The following SYT16 variants were observed in gnomAD, a reference collection of about 807,000 sequenced individuals.
SYT16 encodes synaptotagmin 16.
SYT16 carries 42 observed loss-of-function variants against 61.4 expected under a neutral mutation model. The ratio of observed to expected loss-of-function variants is 0.68; its 90% CI spans 0.53 to 0.89. The LOEUF is 0.89. Ranked by LOEUF, SYT16 falls within the 40% of genes least tolerant of loss-of-function variation. The pLI is 0.00. For missense variants in SYT16, 804 were observed against 807.3 expected, an observed-to-expected ratio of 1.00 and a Z score of 0.05; for synonymous variants, 314 against 302.3, an observed-to-expected ratio of 1.04 and a Z score of -0.40.
intron 3 of SYT16, among the ~76,000 whole-genome samples, chr14:62,058,202 C>T (rs2055651677): frequency 6.6e-6 from 1 of 152,054 alleles, no homozygotes; most frequent in Non-Finnish European, 1.5e-5. Context: ...GGTTTGCTTC[C>T]AGATTTTGAC....
chr14:61,969,752 C>T (rs535723264), intron 1 of SYT16, among the ~76,000 whole-genome samples: 2 of 152,238 alleles, frequency 1.3e-5, no homozygotes, highest in African/African-American at 4.8e-5. Flanking sequence ...TGGAGACTTG[C>T]TTTTATAACA....
At chr14:62,007,487 G>T (rs1348167255) in intron 3 of SYT16, among the ~76,000 whole-genome samples, 1 of 152,108 alleles carries the variant, frequency 6.6e-6, no homozygotes, top group East Asian at 1.9e-4. Flanking sequence ...GCATGTTTTA[G>T]CAAGGGTAGA....
intron 1 of SYT16, among the ~76,000 whole-genome samples, chr14:61,861,210 G>A (rs907886017): frequency 3.3e-5 from 5 of 152,154 alleles, no homozygotes; most frequent in African/African-American, 1.2e-4. Context: ...AGCCATTAGA[G>A]CTCATGTTGT....
chr14:62,004,137 T>G lies in SYT16; in HGVS notation c.523+7595T>G, dbSNP rs561890781. On this transcript the variant is annotated intron_variant, in intron 3 of 7. Coordinates refer to ENST00000683842, the MANE Select transcript of SYT16 (RefSeq NM_001367656.1). The stretch of plus-strand genomic sequence containing the variant: ...GGGTAATTTATAAAGAAAAAAGCTT[T>G]AATTGATTCATAGTTCTGCATGGCT... 2.6e-5 allele frequency among the ~76,000 whole-genome samples: 4 copies of G among 152,328 alleles called. No homozygotes were observed. The East Asian group carries it at 7.7e-4, about 29-fold the overall frequency.
chr14:61,997,349 C>A (rs2052810283), intron 3 of SYT16, among the ~76,000 whole-genome samples: 1 of 151,952 alleles, frequency 6.6e-6, no homozygotes, highest in African/African-American at 2.4e-5. Context: ...ATAAGTCACA[C>A]AGATTGGTGA....
intron 1 of SYT16, among the ~76,000 whole-genome samples, chr14:61,880,715 G>A (rs1186731849): frequency 6.6e-6 from 1 of 151,646 alleles, no homozygotes; most frequent in Non-Finnish European, 1.5e-5. Context: ...TATGGTTTTT[G>A]TTTCTATTGT....
chr14:62,023,089 C>T (rs1004506077), intron 3 of SYT16, among the ~76,000 whole-genome samples: 2 of 151,966 alleles, frequency 1.3e-5, no homozygotes, highest in Non-Finnish European at 2.9e-5. Flanking sequence ...TCAGTAAGCC[C>T]AGTAATTTGT....
At chr14:62,022,713 G>A (rs982684304) in intron 3 of SYT16, among the ~76,000 whole-genome samples, 2 of 151,906 alleles carry the variant, frequency 1.3e-5, no homozygotes, top group Admixed American at 6.6e-5. Flanking sequence ...TTCAGTGTAG[G>A]CATTTTCAGT....
At chr14:61,853,218 CTTG>C (rs2046669667) in intron 1 of SYT16, among the ~76,000 whole-genome samples, 1 of 152,224 alleles carries the variant, frequency 6.6e-6, no homozygotes, top group African/African-American at 2.4e-5. Context: ...TGCACCTGGC[CTTG>C]TTGTTCTTTA....
chr14:61,963,187 G>A (rs2353244), intron 1 of SYT16, among the ~76,000 whole-genome samples: 20,323 of 152,064 alleles, frequency 0.13, 2,417 homozygotes, highest in African/African-American at 0.32. Flanking sequence ...AATGGCCTCT[G>A]AGTATTTAAG....
chr14:61,814,416 G>A (rs1207807411), intron 1 of SYT16, among the ~76,000 whole-genome samples: 2 of 152,198 alleles, frequency 1.3e-5, no homozygotes, highest in Non-Finnish European at 2.9e-5. Context: ...GTATCTACCA[G>A]CAACTGTGCA....
In SYT16 at chr14:62,018,298, C is replaced by CTTTTTTTTTTTT. The variant is rs776473522; in HGVS notation, c.523+21773_523+21784dup. ...GGGTCTTTCTCTTCTTCTTCTTCTT[C>CTTTTTTTTTTTT]TTTTTTTTTTTTTTTTTTTTTTTTT... is the stretch of plus-strand genomic sequence containing the variant. On this transcript the variant is annotated intron_variant, in intron 3 of 7. Transcript: ENST00000683842. 1.4e-3 allele frequency among the ~76,000 whole-genome samples: 73 copies of CTTTTTTTTTTTT among 51,640 alleles called. 8 individuals are homozygous for CTTTTTTTTTTTT. Among genetic ancestry groups the CTTTTTTTTTTTT allele is most frequent in the Non-Finnish European group, 1.8e-3 (54 of 30,190 alleles). The allele number at this position is 51,640 out of a possible 152,430, so 33.9% of individuals were successfully genotyped here.
intron 3 of SYT16, among the ~76,000 whole-genome samples, chr14:62,011,761 A>G (rs1374938379): frequency 6.6e-6 from 1 of 151,728 alleles, no homozygotes; most frequent in African/African-American, 2.4e-5. Context: ...TTTCAAGGAA[A>G]AGCCTAGATT....
rs1385277128 is a variant in SYT16, at chr14:61,817,013, ACACAC to A, written c.-325+4204_-325+4208del. The stretch of plus-strand genomic sequence containing the variant: ...GCGACAGAGTGAGGCTCCGTCACAC[ACACAC>A]ACACACACACAAAAAAAGCATTTTC... On this transcript the variant is annotated intron_variant, in intron 1 of 7. Transcript: ENST00000683842. 2.7e-4 allele frequency among the ~76,000 whole-genome samples: 39 copies of A among 144,920 alleles called. 1 individual carries two copies. The highest frequency in any genetic ancestry group is 3.5e-3 in the Middle Eastern group (1 of 286).
chr14:61,872,593 C>T (rs766130974), intron 1 of SYT16, among the ~76,000 whole-genome samples: 29 of 152,116 alleles, frequency 1.9e-4, no homozygotes, highest in Non-Finnish European at 3.4e-4. Context: ...TTTTCCTGCC[C>T]CTTCCTGTTT....
chr14:61,995,562 C>T (rs2052730271), intron 2 of SYT16, among the ~76,000 whole-genome samples: 1 of 151,994 alleles, frequency 6.6e-6, no homozygotes, highest in South Asian at 2.1e-4. Flanking sequence ...ATGTCATGCC[C>T]AATTGGATCT....
chr14:61,818,143 T>A (rs1204687388), intron 1 of SYT16, among the ~76,000 whole-genome samples: 1 of 152,196 alleles, frequency 6.6e-6, no homozygotes, highest in East Asian at 1.9e-4. Flanking sequence ...TAGGGAAAAT[T>A]TCATATACAC....
chr14:62,019,390 T>G (rs1374970332), intron 3 of SYT16, among the ~76,000 whole-genome samples: 1 of 152,112 alleles, frequency 6.6e-6, no homozygotes, highest in African/African-American at 2.4e-5. Context: ...AGACCCTGGT[T>G]TTTGGAGCCA....
Position 61,875,650 on chromosome 14 carries a change from C to T in SYT16, c.-325+62840C>T, listed in dbSNP as rs2047463050. Among the ~76,000 whole-genome samples, 3 of 152,168 alleles carry T rather than the reference C, an allele frequency of 2.0e-5. 1 individual carries two copies. In the South Asian group the frequency reaches 6.2e-4, roughly 31 times the overall value. ...GTAGCTATGAAGCCAGGGACAGAGT[C>T]CAAGTCAGCCTGTAGAGCTGGGTTG... On this transcript the variant is annotated intron_variant, in intron 1 of 7. Transcript: ENST00000683842.
Sources: allele counts gnomAD v4.1 joint callset (sites outside exome capture counted in the v4.1 genomes callset), GRCh38; gene constraint gnomAD v4.1.1; transcripts MANE v1.5; gene names NCBI Gene and HGNC (gene_info 2026-07-23, HGNC 2026-07-21).